GOT2: variants seen among roughly 807,000 people sequenced by gnomAD.
The protein encoded by GOT2 is glutamic-oxaloacetic transaminase 2, also known as aspartate aminotransferase, mitochondrial.
A neutral mutation model predicts 50.0 loss-of-function variants in GOT2; 17 were observed. The observed-to-expected ratio is 0.34, with a 90% CI of 0.23 to 0.51. GOT2 has a LOEUF of 0.51. GOT2 is among the 20% of genes least tolerant of loss of function. The pLI is 0.97. For synonymous variants in GOT2, 172 were observed against 204.9 expected (o/e 0.84, Z 1.37); for missense variants, 430 against 559.6 (o/e 0.77, Z 2.34).
In GOT2 at chr16:58,718,254, T is replaced by C. The variant is rs1258415676; in HGVS notation, c.644A>G (p.Asn215Ser). The C allele has an allele frequency of 6.2e-7, 1 of 1,614,100 alleles. No individual in the cohort carries two copies. Among genetic ancestry groups the C allele is most frequent in the Non-Finnish European group, 8.5e-7 (1 of 1,179,984 alleles). Residue 215 changes from asparagine (N) to serine (S), a missense_variant, in exon 6 of 10, where the codon AAT (asparagine) becomes AGT (serine). Coordinates refer to ENST00000245206, the MANE Select transcript of GOT2 (RefSeq NM_002080.4). ...SVLLLHACAH[N>S]PTGVDPRPEQ... The stretch of plus-strand genomic sequence containing the variant: ...CGGACGCGGGTCCACTCCCGTGGGA[T>C]TGTGGGCGCAGGCATGCAGAAGAAG...
rs1597701310 is a variant in GOT2, at chr16:58,718,773, T to C, written c.436-85A>G. 7 of 1,148,742 alleles carry C rather than the reference T, an allele frequency of 6.1e-6. No individual in the cohort carries two copies. In the East Asian group the frequency reaches 1.7e-4, roughly 29 times the overall value. The allele number at this position is 1,148,742 out of a possible 1,614,324, so 71.2% of individuals were successfully genotyped here. On this transcript the variant is annotated intron_variant, in intron 4 of 9. Transcript: ENST00000245206. The stretch of plus-strand genomic sequence containing the variant: ...ATGTGTTTTATTGAGAGAACATTTT[T>C]CTCTGCTGAAACCCAGTTTCTCTCT...
At chr16:58,716,909 G>A in intron 6 of GOT2, 96 bp from the exon 7 acceptor site, 1 of 1,152,290 alleles carries the variant, frequency 8.7e-7, no homozygotes, top group Non-Finnish European at 1.3e-6. Context: ...AGGTGGGCAT[G>A]GTCCCAATAA....
rs3743573 is a variant in GOT2, at chr16:58,723,714, C to A, written c.246+32G>T. On this transcript the variant is annotated intron_variant, in intron 2 of 9. Transcript: ENST00000245206. Reference sequence around the variant, plus strand: ...CCAGGGCTCTCTTCAGTTTATTCATCCCATTCAAAAGGAGATGAACAGCAA... The same window carrying A: ...CCAGGGCTCTCTTCAGTTTATTCATACCATTCAAAAGGAGATGAACAGCAA... The A allele has an allele frequency of 0.034, 53,668 of 1,577,818 alleles. 3,430 individuals are homozygous for A. Among genetic ancestry groups the A allele is most frequent in the East Asian group, 0.27 (11,958 of 44,510 alleles).
chr16:58,719,644 A>G (rs1670718129), intron 3 of GOT2, among the ~76,000 whole-genome samples: 1 of 152,124 alleles, frequency 6.6e-6, no homozygotes, highest in Non-Finnish European at 1.5e-5. Flanking sequence ...AATCCCAGCT[A>G]CTGGAAAGGC....
chr16:58,724,747 G>T (rs952051910), intron 1 of GOT2, among the ~76,000 whole-genome samples: 4 of 152,120 alleles, frequency 2.6e-5, no homozygotes, highest in African/African-American at 9.7e-5. Flanking sequence ...CGCCATGTTG[G>T]CCAGGCTGGT....
At chr16:58,734,029 G>A (rs2044857357) in intron 1 of GOT2, 111 bp downstream of exon 1, 2 of 480,816 alleles carry the variant, frequency 4.2e-6, no homozygotes, top group Non-Finnish European at 6.7e-6. Context: ...GTGTGTGCGT[G>A]TGAGTGACAG....
intron 8 of GOT2, among the ~76,000 whole-genome samples, chr16:58,710,172 A>G (rs2044634792): frequency 6.6e-6 from 1 of 152,112 alleles, no homozygotes; most frequent in Non-Finnish European, 1.5e-5. Flanking sequence ...TGCCGGGATT[A>G]CAGGTGTGAG....
In GOT2 at chr16:58,734,146, CT is replaced by C. The variant is rs2152100308; in HGVS notation, c.82del (p.Arg28GlufsTer33). ...HPGLAAAASARASSWWTHVEM... is the reference protein window; with the variant it reads ...HPGLAAAASAXASSWWTHVEM... ...TCCGTTTCCCTTGGCTTACCTGGCT[CT>C]GGCAGAGGCCGCGGCGGCGAGGCCC... On this transcript the variant is annotated frameshift_variant, in exon 1 of 10. Transcript: ENST00000245206. LOFTEE classifies it high-confidence loss of function. 1 of 1,331,118 alleles carries C rather than the reference CT, an allele frequency of 7.5e-7. No individual in the cohort carries two copies. The highest frequency in any genetic ancestry group is 3.0e-5 in the Admixed American group (1 of 33,158). 82.5% of individuals were successfully genotyped at this position (1,331,118 alleles called of 1,614,324 possible).
chr16:58,718,471 A>C, intron 5 of GOT2, 56 bp downstream of exon 5: 3 of 1,491,846 alleles, frequency 2.0e-6, no homozygotes, highest in Non-Finnish European at 2.7e-6. Flanking sequence ...GGAGACATCA[A>C]ATGTCCGCAA....
At position 58,725,100 on chromosome 16, in the gene GOT2, ATTTC is replaced by A. The variant is rs1193824463; in HGVS notation, c.90-1202_90-1199del. Reference sequence around the variant, plus strand: ...TATTTTGTAATATGCCAGCTTGACAATTTCTTTCTTTCTTTTTTTTTTTTGGAGC... The same window carrying A: ...TATTTTGTAATATGCCAGCTTGACAATTTCTTTCTTTTTTTTTTTTGGAGC... On this transcript the variant is annotated intron_variant, in intron 1 of 9. Coordinates refer to ENST00000245206, the MANE Select transcript of GOT2 (RefSeq NM_002080.4). Among the ~76,000 whole-genome samples, 5 of 116,922 alleles carry A rather than the reference ATTTC, an allele frequency of 4.3e-5. No individual in the cohort carries two copies. The South Asian group carries it at 1.4e-3, about 32-fold the overall frequency. The allele number at this position is 116,922 out of a possible 152,430, so 76.7% of individuals were successfully genotyped here.
chr16:58,732,637 T>C (rs976845124), intron 1 of GOT2, among the ~76,000 whole-genome samples: 5 of 152,202 alleles, frequency 3.3e-5, no homozygotes, highest in Non-Finnish European at 7.3e-5. Flanking sequence ...TCATGGAACT[T>C]ACATTCTAGT....
chr16:58,713,986 T>C (rs1347228043), intron 8 of GOT2, among the ~76,000 whole-genome samples: 6 of 152,230 alleles, frequency 3.9e-5, no homozygotes, highest in Non-Finnish European at 7.3e-5. Flanking sequence ...TCAGAACAGT[T>C]TGCCAACCCC....
chr16:58,727,239 C>T (rs2044794401), intron 1 of GOT2, among the ~76,000 whole-genome samples: 1 of 152,188 alleles, frequency 6.6e-6, no homozygotes, highest in South Asian at 2.1e-4. Context: ...AGCCATCCTC[C>T]CACCTCAGCC....
rs566918262 is a variant in GOT2 at position 58,720,932 on chromosome 16, G to C, written c.375+1218C>G. 3.9e-5 allele frequency among the ~76,000 whole-genome samples: 6 copies of C among 152,226 alleles called. 1 individual carries two copies. The South Asian group carries it at 1.0e-3, about 26-fold the overall frequency. ...GACAAGCTGATGTTATTTTAAGGTA[G>C]GCCAGTTTCATACTTAGGTTGTTAT... On this transcript the variant is annotated intron_variant, in intron 3 of 9. Coordinates refer to ENST00000245206, the MANE Select transcript of GOT2 (RefSeq NM_002080.4).
chr16:58,709,344 G>C (rs2044627981), intron 9 of GOT2, 73 bp downstream of exon 9: 5 of 1,213,214 alleles, frequency 4.1e-6, no homozygotes. Flanking sequence ...AAAGAAAAAA[G>C]AAAAAAAAGT....
intron 1 of GOT2, among the ~76,000 whole-genome samples, chr16:58,728,270 A>T (rs2044803486): frequency 6.6e-6 from 1 of 152,212 alleles, no homozygotes; most frequent in Non-Finnish European, 1.5e-5. Flanking sequence ...GGATTCAAAT[A>T]ATAGCTCAGC....
At chr16:58,708,950 AGGTG>A (rs1418902457) in intron 9 of GOT2, 1 of 153,180 alleles carries the variant, frequency 6.5e-6, no homozygotes, top group Non-Finnish European at 1.5e-5. Flanking sequence ...AATTTTGAAC[AGGTG>A]GGTGATCTAT....
chr16:58,727,429 C>T (rs1450388381), intron 1 of GOT2, among the ~76,000 whole-genome samples: 6 of 151,582 alleles, frequency 4.0e-5, no homozygotes, highest in African/African-American at 1.5e-4. Flanking sequence ...AGATTCTCTG[C>T]CTTGCCAGAA....
chr16:58,719,390 T>C (rs2044722378), intron 3 of GOT2, 135 bp from the exon 4 acceptor site: 6 of 596,838 alleles, frequency 1.0e-5, no homozygotes, highest in Non-Finnish European at 1.9e-5. Flanking sequence ...CATTTCATGT[T>C]ACACGGGAAA....
Sources: gnomAD v4.1 joint callset for allele counts (sites outside exome capture counted in the v4.1 genomes callset) on GRCh38, gnomAD v4.1.1 for gene constraint, MANE v1.5 for transcripts, NCBI Gene and HGNC (gene_info 2026-07-23, HGNC 2026-07-21) for gene names.